The following GALNTL6 variants were observed in gnomAD, a reference collection of about 807,000 sequenced individuals.
The protein encoded by GALNTL6 is polypeptide N-acetylgalactosaminyltransferase-like 6.
In GALNTL6, 46 loss-of-function variants were observed where a neutral mutation model predicts 73.7. The observed-to-expected ratio is 0.62, with a 90% CI of 0.49 to 0.80. GALNTL6 has a LOEUF of 0.80. GALNTL6 is among the 30% of genes least tolerant of loss of function. The probability of loss-of-function intolerance (pLI) is 0.00; values close to 1 mark genes in which losing one functional copy is unlikely to be tolerated. For synonymous variants in GALNTL6, 259 were observed against 263.7 expected (o/e 0.98, Z 0.17); for missense variants, 604 against 755.0 (o/e 0.80, Z 2.34).
chr4:172,382,498 C>T (rs1561057326), intron 5 of GALNTL6, among the ~76,000 whole-genome samples: 1 of 151,996 alleles, frequency 6.6e-6, no homozygotes, highest in Non-Finnish European at 1.5e-5. Context: ...ATTCTGAGTG[C>T]AAGTAATGTA....
chr4:171,971,271 C>G (rs1195375782), intron 2 of GALNTL6, among the ~76,000 whole-genome samples: 1 of 152,154 alleles, frequency 6.6e-6, no homozygotes, highest in African/African-American at 2.4e-5. Context: ...TGAATTATCC[C>G]TCTGAATGAA....
At chr4:172,091,013 G>A (rs1035056354) in intron 2 of GALNTL6, among the ~76,000 whole-genome samples, 2 of 152,052 alleles carry the variant, frequency 1.3e-5, no homozygotes, top group Non-Finnish European at 2.9e-5. Flanking sequence ...TAGACTTGTG[G>A]TGTAATTTTG....
At chr4:172,980,931 T>C (rs1034371169) in intron 10 of GALNTL6, among the ~76,000 whole-genome samples, 2 of 152,210 alleles carry the variant, frequency 1.3e-5, no homozygotes, top group African/African-American at 4.8e-5. Flanking sequence ...GTACCTCACA[T>C]AAGTAGAATC....
At chr4:172,810,990 A>G (rs1385444756) in intron 6 of GALNTL6, among the ~76,000 whole-genome samples, 1 of 150,802 alleles carries the variant, frequency 6.6e-6, no homozygotes, top group Non-Finnish European at 1.5e-5. Flanking sequence ...ATAGAAAAAA[A>G]AAGAGTAAGA....
At chr4:172,259,568 A>C (rs534447660) in intron 3 of GALNTL6, among the ~76,000 whole-genome samples, 1 of 148,386 alleles carries the variant, frequency 6.7e-6, no homozygotes, top group African/African-American at 2.5e-5. Context: ...TTATCTGTTT[A>C]CTCTGCTGAT....
intron 2 of GALNTL6, among the ~76,000 whole-genome samples, chr4:171,839,376 T>G (rs1735184483): frequency 6.6e-6 from 1 of 152,160 alleles, no homozygotes; most frequent in African/African-American, 2.4e-5. Flanking sequence ...AGGCAAAATT[T>G]TATAGGACAC....
At chr4:172,897,327 A>C (rs759390343) in intron 8 of GALNTL6, among the ~76,000 whole-genome samples, 1 of 152,172 alleles carries the variant, frequency 6.6e-6, no homozygotes, top group African/African-American at 2.4e-5. Flanking sequence ...TGGAGAGTCT[A>C]TTAGGCAGGC....
At position 172,942,574 on chromosome 4, in the gene GALNTL6, C is replaced by A. The variant is rs1748966355; in HGVS notation, c.1150-9463C>A. Among the ~76,000 whole-genome samples, 5 of 152,146 alleles carry A rather than the reference C, an allele frequency of 3.3e-5. No individual in the cohort carries two copies. The South Asian group carries it at 1.0e-3, about 32-fold the overall frequency. ...CCAGGAAGAACACCATTCAGATTGTCCCCCAACCATCTGTAGACATTCCCA... is the reference window on the plus strand; with the variant it reads ...CCAGGAAGAACACCATTCAGATTGTACCCCAACCATCTGTAGACATTCCCA... On this transcript the variant is annotated intron_variant, in intron 9 of 12. Transcript: ENST00000506823.
chr4:172,851,410 A>G (rs1743811921), intron 7 of GALNTL6, among the ~76,000 whole-genome samples: 3 of 93,406 alleles, frequency 3.2e-5, no homozygotes, highest in Non-Finnish European at 5.8e-5. Flanking sequence ...TTACATATAT[A>G]TATATATACA....
In GALNTL6 at chr4:171,861,951, C is replaced by A. The variant is rs75719508; in HGVS notation, c.138+47233C>A. ...TTACTATGATCAATTTTATTAAAGG[C>A]TTTGCTTTAATTATTTAATTATTTC... On this transcript the variant is annotated intron_variant, in intron 2 of 12. Coordinates refer to ENST00000506823, the MANE Select transcript of GALNTL6 (RefSeq NM_001034845.3). Among the ~76,000 whole-genome samples, 502 of 152,204 alleles carry A rather than the reference C, an allele frequency of 3.3e-3. 3 individuals carry two copies. The highest frequency in any genetic ancestry group is 0.011 in the African/African-American group (466 of 41,538).
At chr4:172,627,480 G>T (rs1739212108) in intron 5 of GALNTL6, among the ~76,000 whole-genome samples, 1 of 150,628 alleles carries the variant, frequency 6.6e-6, no homozygotes, top group East Asian at 1.9e-4. Context: ...GCCAGGTTTT[G>T]GTATGAAAGT....
chr4:171,949,124 T>C (rs560980462), intron 2 of GALNTL6, among the ~76,000 whole-genome samples: 13 of 152,170 alleles, frequency 8.5e-5, no homozygotes, highest in African/African-American at 2.9e-4. Context: ...TAATCCCACA[T>C]GAACTTGAGT....
intron 10 of GALNTL6, among the ~76,000 whole-genome samples, chr4:172,984,544 A>G (rs1751212046): frequency 6.6e-6 from 1 of 152,148 alleles, no homozygotes; most frequent in African/African-American, 2.4e-5. Context: ...TTTCTTCTGG[A>G]GAGTTCATAA....
chr4:171,936,273 A>T (rs1738342928), intron 2 of GALNTL6, among the ~76,000 whole-genome samples: 1 of 152,150 alleles, frequency 6.6e-6, no homozygotes, highest in South Asian at 2.1e-4. Flanking sequence ...AAACCTGTTC[A>T]GTACTTGGAA....
chr4:171,838,093 A>T (rs1735146690), intron 2 of GALNTL6, among the ~76,000 whole-genome samples: 1 of 148,720 alleles, frequency 6.7e-6, no homozygotes, highest in Non-Finnish European at 1.5e-5. Flanking sequence ...AAAGTTTAAA[A>T]TTCATTGTTT....
intron 5 of GALNTL6, among the ~76,000 whole-genome samples, chr4:172,455,247 C>T (rs960977219): frequency 2.0e-5 from 3 of 152,210 alleles, no homozygotes; most frequent in African/African-American, 7.2e-5. Context: ...GCCTACACCA[C>T]CAGGGCCCTG....
At chr4:172,429,552 G>A (rs1206403451) in intron 5 of GALNTL6, among the ~76,000 whole-genome samples, 2 of 152,096 alleles carry the variant, frequency 1.3e-5, no homozygotes, top group Non-Finnish European at 2.9e-5. Context: ...TGGAAGAGAG[G>A]TACACAAAAC....
At chr4:172,684,964 A>G (rs892005855) in intron 5 of GALNTL6, among the ~76,000 whole-genome samples, 1 of 152,178 alleles carries the variant, frequency 6.6e-6, no homozygotes, top group Non-Finnish European at 1.5e-5. Flanking sequence ...TTTATATTCA[A>G]AGAGTGAATT....
At chr4:172,149,684 C>G (rs1282616144) in intron 2 of GALNTL6, among the ~76,000 whole-genome samples, 1 of 152,106 alleles carries the variant, frequency 6.6e-6, no homozygotes, top group Non-Finnish European at 1.5e-5. Context: ...AGTTTTATTC[C>G]AGAAATCTGA....
Sources: allele counts gnomAD v4.1 joint callset (sites outside exome capture counted in the v4.1 genomes callset), GRCh38; gene constraint gnomAD v4.1.1; transcripts MANE v1.5; gene names NCBI Gene and HGNC (gene_info 2026-07-23, HGNC 2026-07-21).